The following GPATCH2 variants were observed in gnomAD, a reference collection of about 807,000 sequenced individuals.
The protein encoded by GPATCH2 is G patch domain-containing protein 2.
Under a neutral mutation model 58.0 loss-of-function variants are expected in GPATCH2, and 51 were observed. That is an observed-to-expected ratio of 0.88 (90% CI 0.70 to 1.11). GPATCH2 has a LOEUF of 1.11. GPATCH2 is among the 50% of genes most tolerant of loss of function. GPATCH2 has a pLI of 0.00. For synonymous variants in GPATCH2, 222 were observed against 218.5 expected (o/e 1.02, Z -0.14); for missense variants, 625 against 652.2 (o/e 0.96, Z 0.45).
chr1:217,630,898 C>A lies in GPATCH2; in HGVS notation c.56+18G>T. On this transcript the variant is annotated intron_variant, in intron 1 of 9. Transcript: ENST00000366935. ...CACCCTTCCCTGACCTCCCCCTCCC[C>A]AGGGCCGCCAGCCTCACCAGCTGTT... The A allele has an allele frequency of 6.3e-7, 1 of 1,578,904 alleles. No individual in the cohort carries two copies. The highest frequency in any genetic ancestry group is 2.3e-5 in the East Asian group (1 of 43,756).
chr1:217,610,196 C>T (rs1310139995), intron 5 of GPATCH2, 125 bp downstream of exon 5: 2 of 1,592,730 alleles, frequency 1.3e-6, no homozygotes, highest in Non-Finnish European at 1.7e-6. Context: ...TTGTAGCCTA[C>T]AAAAAAATGG....
At chr1:217,601,689 T>C (rs1668115011) in intron 5 of GPATCH2, among the ~76,000 whole-genome samples, 1 of 152,094 alleles carries the variant, frequency 6.6e-6, no homozygotes. Context: ...GGCACTAGAC[T>C]GTCCAAGGCT....
chr1:217,511,068 G>A (rs893330705), intron 6 of GPATCH2, among the ~76,000 whole-genome samples: 1 of 152,152 alleles, frequency 6.6e-6, no homozygotes, highest in Admixed American at 6.6e-5. Context: ...CTGCACTCCA[G>A]CCTGGGTGAC....
intron 5 of GPATCH2, among the ~76,000 whole-genome samples, chr1:217,543,399 A>G (rs1322940582): frequency 6.6e-6 from 1 of 151,224 alleles, no homozygotes; most frequent in Non-Finnish European, 1.5e-5. Flanking sequence ...CCTCCCGAGT[A>G]GCTGGGACTA....
chr1:217,628,194 T>C (rs1006590855), intron 1 of GPATCH2, among the ~76,000 whole-genome samples: 1 of 151,930 alleles, frequency 6.6e-6, no homozygotes, highest in Non-Finnish European at 1.5e-5. Context: ...AGCAAACCAA[T>C]GAATGACTAA....
At chr1:217,519,507 T>C (rs1034269102) in intron 5 of GPATCH2, among the ~76,000 whole-genome samples, 4 of 152,152 alleles carry the variant, frequency 2.6e-5, no homozygotes, top group African/African-American at 7.2e-5. Flanking sequence ...TTAAGAGGAA[T>C]AAAGAGGAAT....
At chr1:217,437,221 C>T (rs187845) in intron 9 of GPATCH2, among the ~76,000 whole-genome samples, 73,261 of 151,854 alleles carry the variant, frequency 0.48, 18,814 homozygotes, top group Middle Eastern at 0.65. Context: ...GCTGTTCCCA[C>T]GATCTTCACA....
At chr1:217,536,971 C>CAAACA (rs1320316003) in intron 5 of GPATCH2, among the ~76,000 whole-genome samples, 1 of 152,130 alleles carries the variant, frequency 6.6e-6, no homozygotes, top group Non-Finnish European at 1.5e-5. Context: ...GACTCCATCT[C>CAAACA]AAACAAAACA....
chr1:217,570,478 C>A (rs114371449), intron 5 of GPATCH2, among the ~76,000 whole-genome samples: 2,440 of 152,252 alleles, frequency 0.016, 26 homozygotes, highest in Non-Finnish European at 0.025. Flanking sequence ...TCAAATGCTG[C>A]TTTTACTATA....
intron 5 of GPATCH2, among the ~76,000 whole-genome samples, chr1:217,589,161 G>A (rs1352937410): frequency 2.6e-5 from 4 of 152,024 alleles, no homozygotes; most frequent in Admixed American, 2.6e-4. Context: ...AAGAATGTGG[G>A]CCCATATGTC....
intron 5 of GPATCH2, among the ~76,000 whole-genome samples, chr1:217,530,792 A>G (rs899266214): frequency 1.3e-5 from 2 of 152,236 alleles, no homozygotes; most frequent in Admixed American, 6.5e-5. Flanking sequence ...TTCCACAAAG[A>G]CATTATTAGT....
At chr1:217,458,662 G>A (rs943852528) in intron 8 of GPATCH2, among the ~76,000 whole-genome samples, 1 of 151,884 alleles carries the variant, frequency 6.6e-6, no homozygotes, top group African/African-American at 2.4e-5. Context: ...ATGTATTCTA[G>A]CTACTTTAAG....
chr1:217,466,529 A>C (rs1418511679), intron 8 of GPATCH2, among the ~76,000 whole-genome samples: 1 of 152,064 alleles, frequency 6.6e-6, no homozygotes, highest in East Asian at 1.9e-4. Context: ...CTGGCTAAAA[A>C]TGGATGACAA....
chr1:217,438,156 A>AAAACT (rs1184468195), intron 9 of GPATCH2, among the ~76,000 whole-genome samples: 1 of 152,212 alleles, frequency 6.6e-6, no homozygotes, highest in East Asian at 1.9e-4. Context: ...TGTTAGAAGA[A>AAAACT]AAACTAACAA....
At chr1:217,442,886 C>T (rs1161226994) in intron 9 of GPATCH2, among the ~76,000 whole-genome samples, 3 of 152,254 alleles carry the variant, frequency 2.0e-5, no homozygotes, top group East Asian at 1.9e-4. Context: ...TATAATGCTA[C>T]TAGCTTTGCT....
In GPATCH2 at chr1:217,601,286, C is replaced by T. The variant is rs115187961; in HGVS notation, c.1098+9035G>A. On this transcript the variant is annotated intron_variant, in intron 5 of 9. Transcript: ENST00000366935. Reference sequence around the variant, plus strand: ...TTTAAAAAAAATCATTCAAAAGTTACAAAGAAACGATACATGTTTGAGGTG... The same window carrying T: ...TTTAAAAAAAATCATTCAAAAGTTATAAAGAAACGATACATGTTTGAGGTG... Among the ~76,000 whole-genome samples the T allele has an allele frequency of 7.0e-3, 1,070 of 151,910 alleles. 11 individuals are homozygous for T. The highest frequency in any genetic ancestry group is 0.025 in the African/African-American group (1,016 of 41,444).
At chr1:217,578,575 T>C (rs1398889738) in intron 5 of GPATCH2, among the ~76,000 whole-genome samples, 1 of 152,194 alleles carries the variant, frequency 6.6e-6, no homozygotes, top group East Asian at 1.9e-4. Context: ...GTTCACTAAG[T>C]CCTGGCTGAG....
At chr1:217,595,254 C>T (rs1667769866) in intron 5 of GPATCH2, among the ~76,000 whole-genome samples, 1 of 152,028 alleles carries the variant, frequency 6.6e-6, no homozygotes, top group Admixed American at 6.5e-5. Flanking sequence ...AAAGAGTAAA[C>T]TAAGGATTCA....
intron 7 of GPATCH2, among the ~76,000 whole-genome samples, chr1:217,492,934 A>G (rs1445314523): frequency 6.6e-6 from 1 of 152,212 alleles, no homozygotes; most frequent in African/African-American, 2.4e-5. Context: ...CTGTTCAATT[A>G]CATCACTTAG....
Sources: gnomAD v4.1 joint callset for allele counts (sites outside exome capture counted in the v4.1 genomes callset) on GRCh38, gnomAD v4.1.1 for gene constraint, MANE v1.5 for transcripts, NCBI Gene and HGNC (gene_info 2026-07-23, HGNC 2026-07-21) for gene names.